The following NAB2 variants were observed in gnomAD, a reference collection of about 807,000 sequenced individuals.
NAB2 encodes the protein NGFI-A binding protein 2.
Under a neutral mutation model 44.2 loss-of-function variants are expected in NAB2, and 9 were observed. The observed-to-expected ratio is 0.20, with a 90% confidence interval of 0.12 to 0.36. NAB2 has a LOEUF of 0.36. Among genes scored for constraint, NAB2 ranks in the 10% least tolerant of loss-of-function variants. NAB2 has a pLI of 1.00. For missense variants in NAB2, 514 were observed against 709.0 expected (o/e 0.73, Z 3.12); for synonymous variants, 342 against 291.0 (o/e 1.18, Z -1.78).
chr12:57,094,068 G>A (rs377646250), intron 6 of NAB2, among the ~76,000 whole-genome samples: 1 of 151,108 alleles, frequency 6.6e-6, no homozygotes, highest in Non-Finnish European at 1.5e-5. Context: ...TGAGAGTGAC[G>A]CAGCAGACAA....
Position 57,092,573 on chromosome 12 carries a change from G to T in NAB2, c.1083G>T (p.Lys361Asn). The change falls in exon 3 of 7, where the codon AAG (lysine) becomes AAT (asparagine). Residue 361 changes from lysine to asparagine, a missense_variant. This residue lies in a region of NAB2 where 194 missense variants were observed against 223.9 expected (regional missense o/e 0.87). Coordinates refer to ENST00000300131, the MANE Select transcript of NAB2 (RefSeq NM_005967.4). ...AGAGCACCTACTTGTCCTCCTTGAA[G>T]GGCTCCAGGTGAGACCCCTTCCCCA... Reference protein sequence around the residue: ...ARESTYLSSLKGSRLHPEELG... With the variant: ...ARESTYLSSLNGSRLHPEELG... 6.2e-7 allele frequency: 1 copy of T among 1,614,124 alleles called. No homozygotes were observed. Among genetic ancestry groups the T allele is most frequent in the Non-Finnish European group, 8.5e-7 (1 of 1,180,008 alleles).
intron 1 of NAB2, among the ~76,000 whole-genome samples, chr12:57,090,888 C>T (rs2033170843): frequency 6.6e-6 from 1 of 152,238 alleles, no homozygotes; most frequent in Non-Finnish European, 1.5e-5. Context: ...CCTACAGACA[C>T]AGGCCACTGA....
At chr12:57,093,300 A>C (rs2033236046) in intron 5 of NAB2, 105 bp downstream of exon 5, 19 of 1,452,448 alleles carry the variant, frequency 1.3e-5, no homozygotes, top group Non-Finnish European at 1.5e-5. Context: ...CAGGGTTGGG[A>C]GACCTGGCTG....
chr12:57,092,169 C>T (rs1482310468), intron 2 of NAB2, 171 bp downstream of exon 2: 6 of 1,220,104 alleles, frequency 4.9e-6, no homozygotes, highest in Non-Finnish European at 6.6e-6. Context: ...TGCTTCCATC[C>T]TCAGCTGAGG....
At chr12:57,092,330 C>G (rs1162911852) in intron 2 of NAB2, 118 bp from the exon 3 acceptor site, 1 of 1,437,380 alleles carries the variant, frequency 7.0e-7, no homozygotes, top group African/African-American at 1.4e-5. Flanking sequence ...GTGTCAAAAC[C>G]AAAGCAAGCG....
chr12:57,092,838 C>A, intron 3 of NAB2, 79 bp from the exon 4 acceptor site: 4 of 1,537,866 alleles, frequency 2.6e-6, no homozygotes, highest in East Asian at 2.2e-5. Context: ...ATAACACATG[C>A]CTCTGGCTGG....
Position 57,091,967 on chromosome 12 carries a change from G to T in NAB2, c.926G>T (p.Arg309Leu). The change falls in exon 2 of 7, where the codon CGG (arginine) becomes CTG (leucine). Residue 309 changes from arginine (R) to leucine (L), a missense_variant. By Grantham distance (102) the Arg-to-Leu change is moderately radical. This residue lies in a region of NAB2 where 53 missense variants were observed against 108.5 expected (regional missense o/e 0.49). Transcript: ENST00000300131. This position sits in a 1 kb window ranked among gnomAD's most constrained non-coding sequence, Gnocchi z 7.3. The part of the protein sequence containing the change: ...SIIYGRFDSK[R>L]REGKQLSLHE... ...ATCTATGGCCGTTTCGACTCTAAGC[G>T]GCGGGAGGGCAAGCAGCTCAGCCTG... 1 of 1,612,250 alleles carries T rather than the reference G, an allele frequency of 6.2e-7. No individual in the cohort carries two copies. Among genetic ancestry groups the T allele is most frequent in the East Asian group, 2.2e-5 (1 of 44,838 alleles).
Position 57,091,739 on chromosome 12 carries a change from G to T in NAB2, c.698G>T (p.Gly233Val), listed in dbSNP as rs1390559014. The T allele has an allele frequency of 5.0e-6, 8 of 1,614,088 alleles. No homozygotes were observed. The highest frequency in any genetic ancestry group is 6.8e-6 in the Non-Finnish European group (8 of 1,179,940). The change falls in exon 2 of 7, where the codon GGT becomes GTT. Residue 233 changes from glycine (G) to valine (V), a missense_variant. Around this residue, in one of 5 missense-constraint regions of NAB2, gnomAD observed 177 missense variants for 200.5 expected, o/e 0.88. Transcript: ENST00000300131. This position sits in a 1 kb window ranked among gnomAD's most constrained non-coding sequence, Gnocchi z 7.3. ...CTGGCAGCAGGTGGGACTGGGGGTG[G>T]TCCAGACCGACTGGAGCCAGAGATG... ...GGLAAGGTGGGPDRLEPEMVR... is the reference protein window; with the variant it reads ...GGLAAGGTGGVPDRLEPEMVR...
Position 57,093,161 on chromosome 12 carries a change from C to A in NAB2, c.1242C>A (p.Ser414Arg), listed in dbSNP as rs1284572381. Residue 414 changes from serine (S) to arginine (R), a missense_variant, in exon 5 of 7, where the codon AGC becomes AGA. By Grantham distance (110) the Ser-to-Arg change is moderately radical. Coordinates refer to ENST00000300131, the MANE Select transcript of NAB2 (RefSeq NM_005967.4). ...YRPSLEEDSA[S>R]LSGESLDGHL... Reference sequence around the variant, plus strand: ...CCAGCCTGGAGGAGGACAGCGCCAGCCTGTCTGGGGAGAGTCTGGATGGAC... The same window carrying A: ...CCAGCCTGGAGGAGGACAGCGCCAGACTGTCTGGGGAGAGTCTGGATGGAC... The A allele has an allele frequency of 6.2e-7, 1 of 1,612,680 alleles. No individual in the cohort carries two copies. Among genetic ancestry groups the A allele is most frequent in the East Asian group, 2.2e-5 (1 of 44,880 alleles).
Position 57,091,521 on chromosome 12 carries a change from C to G in NAB2, c.480C>G (p.Pro160=), listed in dbSNP as rs1427081592. The change falls in exon 2 of 7, where the codon CCC becomes CCG. Residue 160 remains proline (P), a synonymous_variant. Transcript: ENST00000300131. This position sits in a 1 kb window ranked among gnomAD's most constrained non-coding sequence, Gnocchi z 7.3. ...CAGGCAGTGCCCGCAGTTTTAGCCC[C>G]AAGAGCCCCCTTGAACTTGGAGAGA... is the stretch of plus-strand genomic sequence containing the variant. The part of the protein sequence containing the change: ...EKAGSARSFS[P]KSPLELGEKL... 6.2e-7 allele frequency: 1 copy of G among 1,613,616 alleles called. No individual in the cohort carries two copies. The highest frequency in any genetic ancestry group is 1.7e-5 in the Admixed American group (1 of 60,020).
rs376097877 is a variant in NAB2, at chr12:57,093,008, T to G, written c.1143+40T>G. On this transcript the variant is annotated intron_variant, in intron 4 of 6. Transcript: ENST00000300131. ...GTGCATATAGGGGCACTGGGCAGCC[T>G]TCCCCAATCCCCTCCCTTGGCAGGT... 52 of 1,614,154 alleles carry G rather than the reference T, an allele frequency of 3.2e-5. No homozygotes were observed. In the African/African-American group the frequency reaches 6.7e-4, roughly 21 times the overall value.
At chr12:57,090,979 T>C in intron 1 of NAB2, 146 bp from the exon 2 acceptor site, 3 of 664,984 alleles carry the variant, frequency 4.5e-6, no homozygotes, top group Non-Finnish European at 7.3e-6. Flanking sequence ...GAGTCTGTAC[T>C]CAGACCTGGG....
chr12:57,094,050 C>T (rs141407717), intron 6 of NAB2, among the ~76,000 whole-genome samples: 1,840 of 150,894 alleles, frequency 0.012, 20 homozygotes, highest in Non-Finnish European at 0.018. Flanking sequence ...GCCGGGCAGC[C>T]GCTGGGCTGA....
chr12:57,092,935 G>C lies in NAB2; in HGVS notation c.1110G>C (p.Leu370=). The C allele has an allele frequency of 6.2e-7, 1 of 1,614,178 alleles. No individual in the cohort carries two copies. Among genetic ancestry groups the C allele is most frequent in the Non-Finnish European group, 8.5e-7 (1 of 1,180,028 alleles). Residue 370 remains leucine, a synonymous_variant, in exon 4 of 7, where the codon CTG becomes CTC. Coordinates refer to ENST00000300131, the MANE Select transcript of NAB2 (RefSeq NM_005967.4). ...TTTTCAGGCTTCACCCTGAAGAACT[G>C]GGAGGCCCTCCACTGAAGAAGCTGA... ...LKGSRLHPEE[L]GGPPLKKLKQ...
chr12:57,092,882 A>T (rs1262633144), intron 3 of NAB2, 35 bp from the exon 4 acceptor site: 1 of 1,612,754 alleles, frequency 6.2e-7, no homozygotes, highest in African/African-American at 1.3e-5. Flanking sequence ...GGCCCTCGTC[A>T]GCCTCATCCA....
At chr12:57,090,859 G>A (rs896873169) in intron 1 of NAB2, among the ~76,000 whole-genome samples, 1 of 152,218 alleles carries the variant, frequency 6.6e-6, no homozygotes, top group Admixed American at 6.5e-5. Flanking sequence ...TGAAGATAAG[G>A]TTGTAAGACG....
chr12:57,092,124 C>T, intron 2 of NAB2, 126 bp downstream of exon 2: 4 of 1,424,324 alleles, frequency 2.8e-6, no homozygotes, highest in Non-Finnish European at 2.8e-6. Flanking sequence ...GGCCCTGATC[C>T]CCTCCCCAAC....
Position 57,093,399 on chromosome 12 carries a change from G to T in NAB2, c.1277-8G>T. ...AGCCCCTTACCTGACCAGTGCCCAT[G>T]CCCACAGCTGTGGGGTCATGTCCAA... On this transcript the variant is annotated splice_polypyrimidine_tract_variant and splice_region_variant and intron_variant, in intron 5 of 6. Coordinates refer to ENST00000300131, the MANE Select transcript of NAB2 (RefSeq NM_005967.4). 1 of 1,550,352 alleles carries T rather than the reference G, an allele frequency of 6.5e-7. No homozygotes were observed.
chr12:57,091,068 G>T lies in NAB2; in HGVS notation c.84-57G>T. ...GAGGGAACAATTGTTAGTGTGGGTT[G>T]GTACCCAGTAGGGGGACTTGCACCG... On this transcript the variant is annotated intron_variant, in intron 1 of 6. Coordinates refer to ENST00000300131, the MANE Select transcript of NAB2 (RefSeq NM_005967.4). This position sits in a 1 kb window ranked among gnomAD's most constrained non-coding sequence, Gnocchi z 7.3. The T allele has an allele frequency of 7.2e-7, 1 of 1,384,494 alleles. No homozygotes were observed. Among genetic ancestry groups the T allele is most frequent in the South Asian group, 1.4e-5 (1 of 70,002 alleles). The allele number at this position is 1,384,494 out of a possible 1,614,324, so 85.8% of individuals were successfully genotyped here.
Sources: gnomAD v4.1 joint callset for allele counts (sites outside exome capture counted in the v4.1 genomes callset) on GRCh38, gnomAD v4.1.1 for gene constraint, gnomAD v4.1.1 regional missense constraint, Gnocchi (gnomAD v3.1) non-coding constraint, MANE v1.5 for transcripts, NCBI Gene and HGNC (gene_info 2026-07-23, HGNC 2026-07-21) for gene names.